PCSK2: variants seen among roughly 807,000 people sequenced by gnomAD.
PCSK2 encodes the protein neuroendocrine convertase 2.
Under a neutral mutation model 69.7 loss-of-function variants are expected in PCSK2, and 14 were observed. The ratio of observed to expected loss-of-function variants is 0.20; its 90% CI spans 0.13 to 0.31. The LOEUF is 0.31. Ranked by LOEUF, PCSK2 falls within the 10% of genes least tolerant of loss-of-function variation. PCSK2 has a pLI of 1.00. For synonymous variants in PCSK2, 307 were observed against 320.7 expected (o/e 0.96, Z 0.46); for missense variants, 544 against 842.5 (o/e 0.65, Z 4.39).
chr20:17,354,540 C>G (rs1160233678), intron 2 of PCSK2, among the ~76,000 whole-genome samples: 2 of 152,070 alleles, frequency 1.3e-5, no homozygotes, highest in East Asian at 3.9e-4. Flanking sequence ...TGCAGTCTTT[C>G]CCAGAGGTCT....
chr20:17,368,005 AC>A (rs1178195122), intron 4 of PCSK2, among the ~76,000 whole-genome samples: 17 of 152,168 alleles, frequency 1.1e-4, no homozygotes, highest in Non-Finnish European at 2.1e-4. Flanking sequence ...ATCAAAATCA[AC>A]AGTGAAACCT....
At chr20:17,393,442 GA>G (rs2031435279) in intron 5 of PCSK2, among the ~76,000 whole-genome samples, 1 of 149,612 alleles carries the variant, frequency 6.7e-6, no homozygotes, top group African/African-American at 2.4e-5. Context: ...TATAATGTAA[GA>G]TTATGCTCCC....
intron 1 of PCSK2, among the ~76,000 whole-genome samples, chr20:17,255,344 A>G (rs1040471613): frequency 6.9e-6 from 1 of 143,930 alleles, no homozygotes; most frequent in Non-Finnish European, 1.5e-5. Flanking sequence ...TTCATTCCTA[A>G]TTTTTTTTTT....
intron 6 of PCSK2, among the ~76,000 whole-genome samples, chr20:17,421,321 C>T (rs888372799): frequency 1.3e-5 from 2 of 152,176 alleles, no homozygotes; most frequent in Non-Finnish European, 2.9e-5. Flanking sequence ...CCAGAGGCAG[C>T]TTTGCTCATT....
chr20:17,371,540 T>C (rs1165227732), intron 5 of PCSK2, among the ~76,000 whole-genome samples: 1 of 152,182 alleles, frequency 6.6e-6, no homozygotes, highest in Non-Finnish European at 1.5e-5. Context: ...ATTTTTCTGA[T>C]TAAAAAATAA....
At chr20:17,350,688 A>G (rs6044751) in intron 2 of PCSK2, among the ~76,000 whole-genome samples, 139,063 of 152,250 alleles carry the variant, frequency 0.91, 63,635 homozygotes, top group South Asian at 0.96. Context: ...TTTAACTGTT[A>G]GACAATGGCT....
At chr20:17,327,013 C>A (rs1381514112) in intron 2 of PCSK2, among the ~76,000 whole-genome samples, 2 of 152,214 alleles carry the variant, frequency 1.3e-5, no homozygotes, top group Admixed American at 6.5e-5. Flanking sequence ...TCATCCTCCC[C>A]CTTCTTCTGT....
intron 3 of PCSK2, 85 bp downstream of exon 3, chr20:17,358,525 G>A (rs192918583): frequency 5.1e-6 from 4 of 788,614 alleles, no homozygotes; most frequent in East Asian, 5.2e-5. Context: ...TTATTCACTA[G>A]GATGTTAGCC....
At chr20:17,372,633 CAA>C (rs1242227675) in intron 5 of PCSK2, among the ~76,000 whole-genome samples, 2 of 152,048 alleles carry the variant, frequency 1.3e-5, no homozygotes, top group East Asian at 3.9e-4. Context: ...TCATTCAGAG[CAA>C]AGTCTGAGTC....
intron 6 of PCSK2, among the ~76,000 whole-genome samples, chr20:17,412,530 G>A (rs1251298667): frequency 6.6e-6 from 1 of 152,226 alleles, no homozygotes; most frequent in East Asian, 1.9e-4. Context: ...ATGGGACTAT[G>A]TGAAAAGATC....
intron 2 of PCSK2, among the ~76,000 whole-genome samples, chr20:17,303,545 ATGATATAAT>A (rs1989222610): frequency 3.3e-5 from 1 of 30,402 alleles, no homozygotes; most frequent in South Asian, 7.6e-4. Context: ...TATATATAAT[ATGATATAAT>A]ATATATTATA....
intron 1 of PCSK2, among the ~76,000 whole-genome samples, chr20:17,258,189 G>A (rs73247986): frequency 1.5e-3 from 228 of 152,296 alleles, no homozygotes; most frequent in African/African-American, 5.3e-3. Flanking sequence ...CTGTGATTGT[G>A]AGGTTGTTCA....
At chr20:17,412,686 C>A (rs1459747440) in intron 6 of PCSK2, among the ~76,000 whole-genome samples, 1 of 152,126 alleles carries the variant, frequency 6.6e-6, no homozygotes, top group South Asian at 2.1e-4. Flanking sequence ...GAGAACACCA[C>A]AAAGATACTC....
chr20:17,461,799 A>G (rs1246697297), intron 10 of PCSK2, among the ~76,000 whole-genome samples: 1 of 152,196 alleles, frequency 6.6e-6, no homozygotes, highest in Non-Finnish European at 1.5e-5. Context: ...TTCTGTTAGA[A>G]GTCAGGTTCC....
At chr20:17,282,351 G>A (rs1988348187) in intron 2 of PCSK2, among the ~76,000 whole-genome samples, 1 of 152,130 alleles carries the variant, frequency 6.6e-6, no homozygotes, top group Non-Finnish European at 1.5e-5. Context: ...GAAGGGAGAA[G>A]ACATGGGAAG....
At chr20:17,408,547 C>T (rs1269624231) in intron 5 of PCSK2, among the ~76,000 whole-genome samples, 1 of 152,196 alleles carries the variant, frequency 6.6e-6, no homozygotes, top group African/African-American at 2.4e-5. Context: ...AGAGTTCATA[C>T]AGATACTTAT....
intron 2 of PCSK2, among the ~76,000 whole-genome samples, chr20:17,319,149 A>G (rs905319496): frequency 3.3e-5 from 5 of 152,216 alleles, no homozygotes; most frequent in African/African-American, 1.2e-4. Flanking sequence ...CTGGGCTCCT[A>G]TAATTCCCCA....
intron 4 of PCSK2, among the ~76,000 whole-genome samples, chr20:17,368,770 A>G (rs548927229): frequency 1.3e-5 from 2 of 152,140 alleles, no homozygotes; most frequent in African/African-American, 4.8e-5. Flanking sequence ...GCAACACCTC[A>G]CTGGAAACCA....
At chr20:17,347,285 C>T (rs1220972541) in intron 2 of PCSK2, among the ~76,000 whole-genome samples, 1 of 152,164 alleles carries the variant, frequency 6.6e-6, no homozygotes, top group Non-Finnish European at 1.5e-5. Context: ...GCTGCCTGCT[C>T]CCTCCCTCCT....
Sources: gnomAD v4.1 joint callset for allele counts (sites outside exome capture counted in the v4.1 genomes callset) on GRCh38, gnomAD v4.1.1 for gene constraint, MANE v1.5 for transcripts, NCBI Gene and HGNC (gene_info 2026-07-23, HGNC 2026-07-21) for gene names.